HDAC9: variants seen among roughly 807,000 people sequenced by gnomAD.
HDAC9 encodes histone deacetylase 9, also known as MEF-2 interacting transcription repressor (MITR) protein.
Under a neutral mutation model 139.4 loss-of-function variants are expected in HDAC9, and 41 were observed. The ratio of observed to expected loss-of-function variants is 0.29; its 90% confidence interval spans 0.23 to 0.38. The LOEUF (loss-of-function observed/expected upper bound fraction) is 0.38. Ranked by LOEUF, HDAC9 falls within the 10% of genes least tolerant of loss-of-function variation. The pLI is 1.00. For missense variants in HDAC9, 1,147 were observed against 1,297.0 expected, an observed-to-expected ratio of 0.88 and a Z score of 1.78; for synonymous variants, 517 against 476.2, an observed-to-expected ratio of 1.09 and a Z score of -1.12.
At chr7:18,722,437 T>A (rs941361125) in intron 12 of HDAC9, among the ~76,000 whole-genome samples, 8 of 152,196 alleles carry the variant, frequency 5.3e-5, no homozygotes, top group African/African-American at 1.7e-4. Context: ...GACATTTAAA[T>A]TTTTCAGCAC....
chr7:18,517,574 A>T (rs1803642048), intron 2 of HDAC9: 1 of 152,220 alleles, frequency 6.6e-6, no homozygotes, highest in Admixed American at 6.5e-5. Flanking sequence ...GTAATCTATT[A>T]CACATCATAT....
rs1468982852 is a variant in HDAC9, at chr7:18,724,894, A to G, written c.1732-2686A>G. The stretch of plus-strand genomic sequence containing the variant: ...TAATATATAAAAGACTATGGCAGGG[A>G]AAGGAGAGAGAAAAACAAAATGTGA... On this transcript the variant is annotated intron_variant, in intron 12 of 25. Transcript: ENST00000686413. 2.6e-5 allele frequency among the ~76,000 whole-genome samples: 4 copies of G among 152,288 alleles called. No individual in the cohort carries two copies. In the South Asian group the frequency reaches 6.2e-4, roughly 24 times the overall value.
intron 1 of HDAC9, among the ~76,000 whole-genome samples, chr7:18,391,390 C>CAAA (rs1202080586): frequency 3.5e-4 from 51 of 147,022 alleles, no homozygotes; most frequent in South Asian, 1.1e-3. Flanking sequence ...ATCCCCCCCC[C>CAAA]AAAAAAAAAA....
At chr7:18,685,676 A>G (rs140352476) in intron 12 of HDAC9, among the ~76,000 whole-genome samples, 106 of 152,126 alleles carry the variant, frequency 7.0e-4, no homozygotes, top group African/African-American at 2.3e-3. Flanking sequence ...CTGATTTACT[A>G]TTTTTGAACT....
At chr7:18,565,558 T>C (rs910670500) in intron 2 of HDAC9, among the ~76,000 whole-genome samples, 4 of 151,930 alleles carry the variant, frequency 2.6e-5, no homozygotes, top group Non-Finnish European at 4.4e-5. Context: ...TGAAGCCAAA[T>C]TAGAGAGGGA....
At chr7:18,480,939 C>A (rs1485920706) in intron 1 of HDAC9, among the ~76,000 whole-genome samples, 1 of 152,114 alleles carries the variant, frequency 6.6e-6, no homozygotes. Context: ...TTCCTCGTGC[C>A]CAAACTTGTT....
chr7:18,355,562 T>G (rs1269309499), intron 1 of HDAC9, among the ~76,000 whole-genome samples: 2 of 152,172 alleles, frequency 1.3e-5, no homozygotes, highest in Non-Finnish European at 2.9e-5. Context: ...TATTTTGAAA[T>G]GGACTGTTGG....
At chr7:18,990,368 G>C (rs1785787253) in intron 25 of HDAC9, among the ~76,000 whole-genome samples, 1 of 152,210 alleles carries the variant, frequency 6.6e-6, no homozygotes, top group African/African-American at 2.4e-5. Flanking sequence ...TCGTGGGTCA[G>C]GGGTCAGGGA....
chr7:18,763,142 C>G (rs771889725), intron 15 of HDAC9, among the ~76,000 whole-genome samples: 1 of 152,164 alleles, frequency 6.6e-6, no homozygotes, highest in Admixed American at 6.5e-5. Flanking sequence ...TTATTGAACT[C>G]TTTCACCTAA....
At chr7:18,528,292 T>A (rs1294611557) in intron 2 of HDAC9, among the ~76,000 whole-genome samples, 1 of 151,614 alleles carries the variant, frequency 6.6e-6, no homozygotes, top group Non-Finnish European at 1.5e-5. Context: ...AATTTGCTTA[T>A]TTTTCAGAAA....
intron 1 of HDAC9, among the ~76,000 whole-genome samples, chr7:18,439,305 C>T (rs941043174): frequency 6.6e-6 from 1 of 152,118 alleles, no homozygotes; most frequent in Non-Finnish European, 1.5e-5. Flanking sequence ...ATTCTAAAAA[C>T]GGTTTTCTAT....
rs1312311182 is a variant in HDAC9 at position 18,527,019 on chromosome 7, A to G, written c.22+30695A>G. On this transcript the variant is annotated intron_variant, in intron 2 of 25. Transcript: ENST00000686413. ...CAATATTAAATGATTTAGTATAGAA[A>G]AAGGTGAGCTTTTACAAGAATAATG... is the stretch of plus-strand genomic sequence containing the variant. Among the ~76,000 whole-genome samples the G allele has an allele frequency of 3.9e-5, 6 of 152,310 alleles. No individual in the cohort carries two copies. In the East Asian group the frequency reaches 1.2e-3, roughly 29 times the overall value.
At chr7:18,779,416 C>A (rs1001981452) in intron 16 of HDAC9, among the ~76,000 whole-genome samples, 21 of 152,098 alleles carry the variant, frequency 1.4e-4, no homozygotes, top group African/African-American at 4.6e-4. Flanking sequence ...GGTTCTCAGA[C>A]CAGAATCATG....
intron 17 of HDAC9, among the ~76,000 whole-genome samples, chr7:18,817,333 C>G (rs1221003570): frequency 6.6e-6 from 1 of 151,988 alleles, no homozygotes; most frequent in East Asian, 1.9e-4. Flanking sequence ...CGCGCCCGGC[C>G]GAGAAGTATT....
At chr7:18,938,230 C>CAAA (rs71553939) in intron 23 of HDAC9, among the ~76,000 whole-genome samples, 1,567 of 74,656 alleles carry the variant, frequency 0.021, 93 homozygotes, top group African/African-American at 0.067. Context: ...GACTCCGTCT[C>CAAA]AAAAAAAAAA....
chr7:18,411,906 T>C (rs1788596705), intron 1 of HDAC9, among the ~76,000 whole-genome samples: 2 of 137,954 alleles, frequency 1.4e-5, no homozygotes, highest in African/African-American at 5.3e-5. Context: ...CCTCACTGCA[T>C]CCTCCACCTC....
chr7:18,953,720 T>C (rs1782961523), intron 23 of HDAC9, among the ~76,000 whole-genome samples: 1 of 152,114 alleles, frequency 6.6e-6, no homozygotes, highest in Admixed American at 6.6e-5. Flanking sequence ...GGTGGTTGGA[T>C]GTAAAAACAC....
intron 2 of HDAC9, among the ~76,000 whole-genome samples, chr7:18,583,258 T>G (rs1482581734): frequency 1.3e-5 from 2 of 152,342 alleles, no homozygotes; most frequent in East Asian, 3.9e-4. Flanking sequence ...TAGTACTTAC[T>G]GTTACTATCT....
intron 2 of HDAC9, among the ~76,000 whole-genome samples, chr7:18,571,385 C>T (rs975283308): frequency 6.6e-6 from 1 of 152,178 alleles, no homozygotes; most frequent in African/African-American, 2.4e-5. Context: ...AGCCTGCATT[C>T]CCTGGGGGAA....
Sources: allele counts gnomAD v4.1 joint callset (sites outside exome capture counted in the v4.1 genomes callset), GRCh38; gene constraint gnomAD v4.1.1; transcripts MANE v1.5; gene names NCBI Gene and HGNC (gene_info 2026-07-23, HGNC 2026-07-21).